The following CYP4F22 variants were observed in gnomAD, a reference collection of about 807,000 sequenced individuals.
CYP4F22 encodes the protein ultra-long-chain fatty acid omega-hydroxylase.
A neutral mutation model predicts 60.4 loss-of-function variants in CYP4F22; 37 were observed. The observed-to-expected ratio is 0.61, with a 90% CI of 0.47 to 0.81. The LOEUF is 0.81. Among genes scored for constraint, CYP4F22 ranks in the 30% least tolerant of loss-of-function variants. The pLI is 0.00. For synonymous variants in CYP4F22, 258 were observed against 280.5 expected (o/e 0.92, Z 0.80); for missense variants, 655 against 715.0 (o/e 0.92, Z 0.96).
At chr19:15,534,020 C>T (rs1031192369) in intron 4 of CYP4F22, among the ~76,000 whole-genome samples, 3 of 152,112 alleles carry the variant, frequency 2.0e-5, no homozygotes, top group Admixed American at 6.5e-5. Context: ...TTTAAGGAGC[C>T]ACCTTGCTGT....
At chr19:15,550,585 T>A (rs1474480691) in intron 12 of CYP4F22, 89 bp from the exon 13 acceptor site, 5 of 1,378,698 alleles carry the variant, frequency 3.6e-6, no homozygotes, top group East Asian at 4.6e-5. Flanking sequence ...CCCATCCATC[T>A]TTACTGACCC....
chr19:15,547,018 G>GTTTTGTT (rs1555730099), intron 10 of CYP4F22, among the ~76,000 whole-genome samples: 5 of 82,312 alleles, frequency 6.1e-5, no homozygotes, highest in African/African-American at 2.8e-4. Flanking sequence ...GCCTGCACCA[G>GTTTTGTT]TTTTTTTTTT....
intron 8 of CYP4F22, 142 bp downstream of exon 8, chr19:15,540,859 A>G (rs1971454212): frequency 1.9e-6 from 2 of 1,068,604 alleles, no homozygotes; most frequent in Admixed American, 2.3e-5. Context: ...CCAAGGCGGG[A>G]GGATCGCTTG....
intron 12 of CYP4F22, 103 bp downstream of exon 12, chr19:15,549,305 C>A: frequency 9.1e-7 from 1 of 1,093,290 alleles, no homozygotes; most frequent in Non-Finnish European, 1.4e-6. Context: ...TGCGCACACC[C>A]CTCCCCACTC....
In CYP4F22 at chr19:15,510,966, A is replaced by ATATAT. The variant is rs34055543; in HGVS notation, c.-109+2384_-109+2385insATATT. ...ATACCATATATATATATATATATATATTTTTTTTTTTTTTTTTGAGATGGA... is the reference window on the plus strand; with the variant it reads ...ATACCATATATATATATATATATATATATATTTTTTTTTTTTTTTTTTGAGATGGA... On this transcript the variant is annotated intron_variant, in intron 1 of 13. Transcript: ENST00000269703. 5.2e-4 allele frequency among the ~76,000 whole-genome samples: 54 copies of ATATAT among 103,308 alleles called. 1 individual carries two copies. The South Asian group carries it at 5.7e-3, about 11-fold the overall frequency. 67.8% of individuals were successfully genotyped at this position (103,308 alleles called of 152,430 possible).
chr19:15,533,934 A>G (rs1227422819), intron 4 of CYP4F22, among the ~76,000 whole-genome samples: 1 of 152,104 alleles, frequency 6.6e-6, no homozygotes, highest in Non-Finnish European at 1.5e-5. Context: ...TGGGGTGGAC[A>G]TATGTTTTCA....
rs1173100371 is a variant in CYP4F22 at position 15,543,127 on chromosome 19, C to T, written c.940-844C>T. On this transcript the variant is annotated intron_variant, in intron 8 of 13. Transcript: ENST00000269703. ...TGGTTCTAGGTCTTTGAGGAATTGCCACATTGTCTTCCACAATGGTTGAAC... is the reference window on the plus strand; with the variant it reads ...TGGTTCTAGGTCTTTGAGGAATTGCTACATTGTCTTCCACAATGGTTGAAC... Among the ~76,000 whole-genome samples the T allele has an allele frequency of 3.3e-5, 5 of 152,126 alleles. 1 individual carries two copies. The highest frequency in any genetic ancestry group is 2.6e-4 in the Admixed American group (4 of 15,256).
intron 3 of CYP4F22, among the ~76,000 whole-genome samples, chr19:15,526,189 C>A (rs979857939): frequency 6.6e-6 from 1 of 152,020 alleles, no homozygotes; most frequent in Admixed American, 6.6e-5. Flanking sequence ...AAAGAACTCT[C>A]TCTATAATTT....
At chr19:15,520,880 G>A (rs1327371785) in intron 1 of CYP4F22, among the ~76,000 whole-genome samples, 3 of 151,612 alleles carry the variant, frequency 2.0e-5, no homozygotes, top group Non-Finnish European at 4.4e-5. Flanking sequence ...CAATTCTCCT[G>A]CCTCAGCCTC....
intron 5 of CYP4F22, 52 bp downstream of exon 5, chr19:15,537,466 G>A (rs769133197): frequency 1.9e-6 from 3 of 1,614,194 alleles, no homozygotes; most frequent in Admixed American, 3.3e-5. Flanking sequence ...AGAGAGGGAA[G>A]AGCATGGGGT....
At chr19:15,544,416 CA>C in intron 10 of CYP4F22, 137 bp downstream of exon 10, 1 of 1,055,016 alleles carries the variant, frequency 9.5e-7, no homozygotes, top group Non-Finnish European at 1.4e-6. Flanking sequence ...TCTTCAGCTA[CA>C]AAATGGGGGT....
chr19:15,510,945 C>CGT (rs1971081901), intron 1 of CYP4F22, among the ~76,000 whole-genome samples: 2 of 111,632 alleles, frequency 1.8e-5, no homozygotes, highest in African/African-American at 3.6e-5. Context: ...ATAGGGATAC[C>CGT]ATATATATAT....
chr19:15,514,895 C>T (rs1286165587), intron 1 of CYP4F22, among the ~76,000 whole-genome samples: 1 of 152,134 alleles, frequency 6.6e-6, no homozygotes, highest in Non-Finnish European at 1.5e-5. Context: ...TTGACTTTCT[C>T]TGGTGCTTTT....
In CYP4F22 at chr19:15,547,990, AGAGAGGGAGAGAGTGTGTGTGTGT is replaced by A. The variant is rs1429117226; in HGVS notation, c.1137-116_1137-93del. 1.1e-3 allele frequency: 385 copies of A among 338,068 alleles called. 9 individuals carry two copies. Among genetic ancestry groups the A allele is most frequent in the Non-Finnish European group, 1.4e-3 (302 of 221,514 alleles). 20.9% of individuals were successfully genotyped at this position (338,068 alleles called of 1,614,324 possible). Reference sequence around the variant, plus strand: ...CCCTGAGAGAGAGAGAGAGAGAGAGAGAGAGGGAGAGAGTGTGTGTGTGTGTGTGTGTGTGTGTGTGTGTGTGTG... The same window carrying A: ...CCCTGAGAGAGAGAGAGAGAGAGAGAGTGTGTGTGTGTGTGTGTGTGTGTG... On this transcript the variant is annotated intron_variant, in intron 10 of 13. Coordinates refer to ENST00000269703, the MANE Select transcript of CYP4F22 (RefSeq NM_173483.4).
intron 1 of CYP4F22, among the ~76,000 whole-genome samples, chr19:15,509,896 C>CTTTCTTT (rs1568350779): frequency 1.1e-4 from 10 of 93,962 alleles, no homozygotes; most frequent in South Asian, 4.4e-4. Context: ...TTCCTTCCTT[C>CTTTCTTT]CTTCCTTCCT....
At position 15,520,402 on chromosome 19, in the gene CYP4F22, G is replaced by GTT. The variant is rs199529189; in HGVS notation, c.-108-3281_-108-3280dup. On this transcript the variant is annotated intron_variant, in intron 1 of 13. Transcript: ENST00000269703. The stretch of plus-strand genomic sequence containing the variant: ...GAAAGTCTCTTTCCCTTTTTTTGCT[G>GTT]TTTTTTTTTTTGAGACGGAGTTTTG... 9.4e-4 allele frequency among the ~76,000 whole-genome samples: 130 copies of GTT among 138,504 alleles called. 1 individual carries two copies. The highest frequency in any genetic ancestry group is 7.3e-3 in the East Asian group (34 of 4,640). 90.9% of individuals were successfully genotyped at this position (138,504 alleles called of 152,430 possible). A position where few individuals can be genotyped will look rare whatever the true frequency, so the allele number is the denominator to read the frequency against.
intron 1 of CYP4F22, among the ~76,000 whole-genome samples, chr19:15,517,909 G>A (rs963821216): frequency 1.3e-5 from 2 of 152,134 alleles, no homozygotes; most frequent in East Asian, 3.9e-4. Context: ...GCTCTGAGAC[G>A]GGAAGTTGCT....
chr19:15,515,462 C>G, intron 1 of CYP4F22: 1 of 834,918 alleles, frequency 1.2e-6, no homozygotes, highest in South Asian at 1.3e-5. Flanking sequence ...CGGTGGCTCA[C>G]GCTTGCAATC....
intron 4 of CYP4F22, among the ~76,000 whole-genome samples, chr19:15,532,342 C>G (rs1364798166): frequency 1.3e-5 from 2 of 150,248 alleles, no homozygotes; most frequent in Non-Finnish European, 3.0e-5. Context: ...TTCTTCTCCT[C>G]CCCATCCCCC....
Sources: allele counts gnomAD v4.1 joint callset (sites outside exome capture counted in the v4.1 genomes callset), GRCh38; gene constraint gnomAD v4.1.1; transcripts MANE v1.5; gene names NCBI Gene and HGNC (gene_info 2026-07-23, HGNC 2026-07-21).